SWAP70: variants seen among roughly 807,000 people sequenced by gnomAD.
SWAP70 encodes the protein switch-associated protein 70.
A neutral mutation model predicts 80.2 loss-of-function variants in SWAP70; 34 were observed. That is an observed-to-expected ratio of 0.42 (90% CI 0.32 to 0.56). The LOEUF (loss-of-function observed/expected upper bound fraction) is 0.56, where lower values mean the gene tolerates loss of function less well. Ranked by LOEUF, SWAP70 falls within the 20% of genes least tolerant of loss-of-function variation. The pLI, the probability that SWAP70 is intolerant of heterozygous loss-of-function variation, is 0.09. For synonymous variants in SWAP70, 239 were observed against 238.5 expected (o/e 1.00, Z -0.02); for missense variants, 578 against 690.7 (o/e 0.84, Z 1.83).
At chr11:9,738,430 A>G (rs1454661088) in intron 8 of SWAP70, 110 bp downstream of exon 8, 12 of 669,434 alleles carry the variant, frequency 1.8e-5, no homozygotes, top group Admixed American at 3.7e-5. Flanking sequence ...TGGCTTTGCT[A>G]CTGACCTGGA....
intron 4 of SWAP70, among the ~76,000 whole-genome samples, chr11:9,726,629 A>T (rs1389295838): frequency 6.6e-6 from 1 of 152,224 alleles, no homozygotes; most frequent in South Asian, 2.1e-4. Flanking sequence ...ATAATAACCA[A>T]CTGAAACTTA....
chr11:9,684,160 C>G (rs925161411), intron 1 of SWAP70, among the ~76,000 whole-genome samples: 5 of 152,156 alleles, frequency 3.3e-5, no homozygotes, highest in Admixed American at 2.6e-4. Context: ...TGGCTCACTG[C>G]AACCTTGAAC....
At chr11:9,692,623 CCTGAT>C (rs763019391) in intron 1 of SWAP70, among the ~76,000 whole-genome samples, 6 of 152,196 alleles carry the variant, frequency 3.9e-5, no homozygotes, top group Non-Finnish European at 8.8e-5. Flanking sequence ...GACATTTGAA[CCTGAT>C]CTGAGAAGTG....
intron 2 of SWAP70, among the ~76,000 whole-genome samples, chr11:9,696,847 G>A (rs988289674): frequency 6.6e-5 from 10 of 151,800 alleles, no homozygotes; most frequent in Admixed American, 1.3e-4. Context: ...TGCTTAGACC[G>A]TTCTCCATAA....
chr11:9,678,535 C>G (rs10219180), intron 1 of SWAP70, among the ~76,000 whole-genome samples: 89,369 of 126,194 alleles, frequency 0.71, 31,521 homozygotes, highest in South Asian at 0.85. Flanking sequence ...CACGTAAACT[C>G]TGAGGTGCTT....
At chr11:9,691,150 TCTAG>T (rs1411050726) in intron 1 of SWAP70, among the ~76,000 whole-genome samples, 2 of 152,216 alleles carry the variant, frequency 1.3e-5, no homozygotes, top group South Asian at 2.1e-4. Context: ...ACTTCTGGGC[TCTAG>T]CTATCCTCTT....
At chr11:9,681,346 T>A (rs1325524802) in intron 1 of SWAP70, 1 of 152,224 alleles carries the variant, frequency 6.6e-6, no homozygotes, top group Non-Finnish European at 1.5e-5. Flanking sequence ...TAAAGAGAGA[T>A]GGGGCTACAT....
chr11:9,706,702 A>G (rs556415980), intron 2 of SWAP70, among the ~76,000 whole-genome samples: 1 of 152,124 alleles, frequency 6.6e-6, no homozygotes, highest in Non-Finnish European at 1.5e-5. Flanking sequence ...TAAAAATAGG[A>G]TCATGCTGTA....
intron 7 of SWAP70, among the ~76,000 whole-genome samples, chr11:9,733,352 C>T (rs1242679327): frequency 6.6e-6 from 1 of 152,190 alleles, no homozygotes; most frequent in East Asian, 1.9e-4. Flanking sequence ...TCAATGAGCA[C>T]TTGCTAACCA....
intron 11 of SWAP70, among the ~76,000 whole-genome samples, chr11:9,749,391 T>G (rs1478268669): frequency 6.6e-6 from 1 of 151,992 alleles, no homozygotes; most frequent in African/African-American, 2.4e-5. Context: ...GGACTACAGG[T>G]GCCCGCCACC....
chr11:9,674,988 T>C (rs1850470067), intron 1 of SWAP70, among the ~76,000 whole-genome samples: 1 of 146,186 alleles, frequency 6.8e-6, no homozygotes, highest in Non-Finnish European at 1.5e-5. Context: ...AAAAAAATTT[T>C]AAATTTAAAA....
chr11:9,701,534 G>A (rs1297398832), intron 2 of SWAP70, among the ~76,000 whole-genome samples: 2 of 151,262 alleles, frequency 1.3e-5, no homozygotes, highest in Non-Finnish European at 2.9e-5. Flanking sequence ...TGTAATCTCA[G>A]CACTTTGGGA....
chr11:9,667,827 C>G (rs1018130117), intron 1 of SWAP70, among the ~76,000 whole-genome samples: 11 of 152,336 alleles, frequency 7.2e-5, no homozygotes, highest in Admixed American at 3.3e-4. Context: ...TCTCAAAATG[C>G]TGGGATTACA....
rs34942425 is a variant in SWAP70, at chr11:9,707,886, A to AT, written c.241-5573dup. On this transcript the variant is annotated intron_variant, in intron 2 of 11. Transcript: ENST00000318950. ...TTTCTTTTAAAAAATTTAAAAAAAAATTTTTTTAAACTTTAATAGTTTTGG... is the reference window on the plus strand; with the variant it reads ...TTTCTTTTAAAAAATTTAAAAAAAAATTTTTTTTAAACTTTAATAGTTTTGG... 2.6e-5 allele frequency among the ~76,000 whole-genome samples: 4 copies of AT among 151,794 alleles called. No individual in the cohort carries two copies. In the East Asian group the frequency reaches 7.7e-4, roughly 29 times the overall value.
At chr11:9,701,622 A>AC (rs1297129354) in intron 2 of SWAP70, among the ~76,000 whole-genome samples, 1 of 151,188 alleles carries the variant, frequency 6.6e-6, no homozygotes, top group Non-Finnish European at 1.5e-5. Flanking sequence ...GTCTGTTAAA[A>AC]AAAAAAAAAT....
At position 9,738,274 on chromosome 11, in the gene SWAP70, T is replaced by G. The variant is rs1292183844; in HGVS notation, c.1142T>G (p.Val381Gly). ...GAAAAGAAACGCCTTCAGACTCAAG[T>G]GGAACTTCAGGCCAGGTTCAGCACA... is the stretch of plus-strand genomic sequence containing the variant. ...EEEKKRLQTQ[V>G]ELQARFSTEL... Residue 381 changes from valine to glycine, a missense_variant, in exon 8 of 12, where the codon GTG (valine) becomes GGG (glycine). Transcript: ENST00000318950. The G allele has an allele frequency of 5.6e-6, 9 of 1,611,290 alleles. No individual in the cohort carries two copies. Among genetic ancestry groups the G allele is most frequent in the Middle Eastern group, 1.6e-4 (1 of 6,074 alleles).
At chr11:9,682,762 C>T (rs1340030284) in intron 1 of SWAP70, among the ~76,000 whole-genome samples, 12 of 152,104 alleles carry the variant, frequency 7.9e-5, no homozygotes, top group Admixed American at 3.3e-4. Context: ...CTGCAACCTC[C>T]GCCTCCCGGG....
At chr11:9,745,790 C>T (rs138556891) in intron 9 of SWAP70, among the ~76,000 whole-genome samples, 47 of 152,334 alleles carry the variant, frequency 3.1e-4, no homozygotes, top group Admixed American at 2.1e-3. Context: ...GAGTGAGGCA[C>T]TGAAGTCTTT....
At chr11:9,683,165 G>A (rs1850589132) in intron 1 of SWAP70, among the ~76,000 whole-genome samples, 2 of 152,192 alleles carry the variant, frequency 1.3e-5, no homozygotes, top group Admixed American at 1.3e-4. Context: ...TTGTGAGGCT[G>A]AGGCAGGTGG....
Sources: allele counts gnomAD v4.1 joint callset (sites outside exome capture counted in the v4.1 genomes callset), GRCh38; gene constraint gnomAD v4.1.1; transcripts MANE v1.5; gene names NCBI Gene and HGNC (gene_info 2026-07-23, HGNC 2026-07-21).